PPP1R9A: variants seen among roughly 807,000 people sequenced by gnomAD.
PPP1R9A encodes neurabin-1.
Under a neutral mutation model 141.9 loss-of-function variants are expected in PPP1R9A, and 59 were observed. That is an observed-to-expected ratio of 0.42 (90% CI 0.34 to 0.52). The LOEUF is 0.52. Among genes scored for constraint, PPP1R9A ranks in the 20% least tolerant of loss-of-function variants. The pLI is 0.10. For missense variants in PPP1R9A, 1,444 were observed against 1,611.9 expected, an observed-to-expected ratio of 0.90 and a Z score of 1.78; for synonymous variants, 500 against 569.7, an observed-to-expected ratio of 0.88 and a Z score of 1.74.
intron 12 of PPP1R9A, among the ~76,000 whole-genome samples, chr7:95,255,674 A>G (rs1799481403): frequency 6.6e-6 from 1 of 152,128 alleles, no homozygotes; most frequent in African/African-American, 2.4e-5. Context: ...ACAAATAAAT[A>G]GAATTTAAGG....
At chr7:95,066,008 A>G (rs1812887171) in intron 2 of PPP1R9A, among the ~76,000 whole-genome samples, 2 of 152,144 alleles carry the variant, frequency 1.3e-5, no homozygotes, top group South Asian at 4.1e-4. Context: ...ATAGAAATGT[A>G]TTGTTATGGT....
chr7:95,129,013 G>T (rs1824087790), intron 4 of PPP1R9A, among the ~76,000 whole-genome samples: 1 of 152,166 alleles, frequency 6.6e-6, no homozygotes, highest in Admixed American at 6.5e-5. Context: ...TCCATCTGGA[G>T]TTAAATTTTT....
intron 2 of PPP1R9A, among the ~76,000 whole-genome samples, chr7:95,047,196 C>T (rs1297077467): frequency 1.3e-5 from 2 of 152,146 alleles, no homozygotes; most frequent in Non-Finnish European, 2.9e-5. Context: ...CATGTCATCT[C>T]TTTTTATTAT....
chr7:95,181,111 A>G (rs1303113757), intron 5 of PPP1R9A, among the ~76,000 whole-genome samples: 1 of 150,728 alleles, frequency 6.6e-6, no homozygotes, highest in East Asian at 1.9e-4. Context: ...CTGCAACATC[A>G]TGGAGCCAAC....
intron 12 of PPP1R9A, among the ~76,000 whole-genome samples, chr7:95,253,996 GA>G (rs1356756796): frequency 6.6e-6 from 1 of 151,960 alleles, no homozygotes; most frequent in East Asian, 1.9e-4. Flanking sequence ...TAAATTATAT[GA>G]CTACAGAAGA....
intron 2 of PPP1R9A, among the ~76,000 whole-genome samples, chr7:94,974,105 T>G: frequency 6.6e-6 from 1 of 152,136 alleles, no homozygotes; most frequent in East Asian, 1.9e-4. Context: ...AATAGTAGGC[T>G]TTGAGAGATG....
rs1816335799 is a variant in PPP1R9A, at chr7:95,084,462, G to A, written c.1396-26797G>A. On this transcript the variant is annotated intron_variant, in intron 2 of 19. Coordinates refer to ENST00000433360, the MANE Select transcript of PPP1R9A (RefSeq NM_001166160.2). ...TGACAACTTGGGTACCCACCATTTA[G>A]CTTTGTAAAATTTTAATTTTTTTCA... is the stretch of plus-strand genomic sequence containing the variant. Among the ~76,000 whole-genome samples the A allele has an allele frequency of 2.0e-5, 3 of 151,760 alleles. No individual in the cohort carries two copies. In the South Asian group the frequency reaches 6.2e-4, roughly 32 times the overall value.
chr7:95,203,174 A>G (rs1422817624), intron 6 of PPP1R9A, among the ~76,000 whole-genome samples: 1 of 151,948 alleles, frequency 6.6e-6, no homozygotes, highest in Non-Finnish European at 1.5e-5. Context: ...TTTTTTTAGA[A>G]TCTTTTAAAG....
At chr7:95,268,792 C>A in intron 13 of PPP1R9A, 85 bp downstream of exon 13, 1 of 1,489,042 alleles carries the variant, frequency 6.7e-7, no homozygotes, top group Non-Finnish European at 9.1e-7. Flanking sequence ...GATTTTTCTG[C>A]AAACAGAGTC....
chr7:94,959,135 C>A (rs1797358281), intron 2 of PPP1R9A, among the ~76,000 whole-genome samples: 1 of 151,768 alleles, frequency 6.6e-6, no homozygotes, highest in Non-Finnish European at 1.5e-5. Context: ...TGGAAAGAAT[C>A]ATTTACTTAG....
chr7:94,928,955 A>T (rs760518000), intron 2 of PPP1R9A, among the ~76,000 whole-genome samples: 2 of 152,218 alleles, frequency 1.3e-5, no homozygotes, highest in Non-Finnish European at 2.9e-5. Context: ...TGAATTATGC[A>T]GGAAAGATAC....
intron 2 of PPP1R9A, among the ~76,000 whole-genome samples, chr7:94,967,168 C>G (rs1798310934): frequency 6.6e-6 from 1 of 151,920 alleles, no homozygotes; most frequent in South Asian, 2.1e-4. Flanking sequence ...GTGATATCCC[C>G]CTTATCATTT....
At chr7:95,204,709 ACACACACCACACT>A (rs1790359599) in intron 7 of PPP1R9A, among the ~76,000 whole-genome samples, 2 of 143,986 alleles carry the variant, frequency 1.4e-5, no homozygotes, top group Non-Finnish European at 3.0e-5. Flanking sequence ...CACACCACAC[ACACACACCACACT>A]CACACCACAC....
intron 4 of PPP1R9A, among the ~76,000 whole-genome samples, chr7:95,136,370 T>G (rs541610800): frequency 1.3e-3 from 202 of 152,146 alleles, no homozygotes; most frequent in Non-Finnish European, 2.2e-3. Flanking sequence ...GTGGGAGGAT[T>G]ACTTGATCCC....
chr7:94,933,752 C>G (rs1416655478), intron 2 of PPP1R9A, among the ~76,000 whole-genome samples: 1 of 152,136 alleles, frequency 6.6e-6, no homozygotes, highest in East Asian at 1.9e-4. Flanking sequence ...AACCCAGGCA[C>G]CAAGAACTTA....
intron 2 of PPP1R9A, among the ~76,000 whole-genome samples, chr7:95,085,414 AT>A (rs1816474726): frequency 7.2e-6 from 1 of 139,616 alleles, no homozygotes; most frequent in African/African-American, 2.7e-5. Flanking sequence ...AGAAAAAAAA[AT>A]TTTTGGTTTT....
intron 2 of PPP1R9A, among the ~76,000 whole-genome samples, chr7:95,010,052 C>T (rs1333189601): frequency 6.6e-6 from 1 of 152,162 alleles, no homozygotes; most frequent in Admixed American, 6.5e-5. Flanking sequence ...ACAAACTATT[C>T]ACAGTTCCAG....
intron 2 of PPP1R9A, among the ~76,000 whole-genome samples, chr7:95,037,709 G>A (rs557208796): frequency 2.4e-4 from 36 of 151,954 alleles, no homozygotes; most frequent in Admixed American, 8.5e-4. Context: ...GCGTGCGCGC[G>A]TGTGTGTGTG....
At chr7:94,960,332 T>G (rs1797498115) in intron 2 of PPP1R9A, among the ~76,000 whole-genome samples, 1 of 151,672 alleles carries the variant, frequency 6.6e-6, no homozygotes, top group Non-Finnish European at 1.5e-5. Flanking sequence ...GTGAAATCTT[T>G]TAGTCCTTTG....
Sources: allele counts gnomAD v4.1 joint callset (sites outside exome capture counted in the v4.1 genomes callset), GRCh38; gene constraint gnomAD v4.1.1; transcripts MANE v1.5; gene names NCBI Gene and HGNC (gene_info 2026-07-23, HGNC 2026-07-21).